The following CCDC171 variants were observed in gnomAD, a reference collection of about 807,000 sequenced individuals.
CCDC171 encodes coiled-coil domain-containing protein 171.
CCDC171 carries 177 observed loss-of-function variants against 168.2 expected under a neutral mutation model. The ratio of observed to expected loss-of-function variants is 1.05; its 90% CI spans 0.93 to 1.19. The LOEUF is 1.19. Among genes scored for constraint, CCDC171 ranks in the 50% most tolerant of loss-of-function variants. CCDC171 has a pLI of 0.00. For synonymous variants in CCDC171, 687 were observed against 540.8 expected, an observed-to-expected ratio of 1.27 and a Z score of -3.75; for missense variants, 1,991 against 1,539.0, an observed-to-expected ratio of 1.29 and a Z score of -4.91.
At chr9:15,661,076 C>T (rs992343592) in intron 8 of CCDC171, among the ~76,000 whole-genome samples, 5 of 152,074 alleles carry the variant, frequency 3.3e-5, no homozygotes, top group African/African-American at 4.8e-5. Context: ...GTCAGGAGAT[C>T]GAGACCATCC....
chr9:16,082,498 C>T, the CCDC171 span, among the ~76,000 whole-genome samples: 2 of 152,284 alleles, frequency 1.3e-5, no homozygotes, highest in East Asian at 1.9e-4. Flanking sequence ...AAAGCTTCAT[C>T]AGTATTTTTG....
intron 25 of CCDC171, among the ~76,000 whole-genome samples, chr9:15,958,109 C>CTCATCCATTCATTCAT (rs1226095855): frequency 6.7e-6 from 1 of 150,174 alleles, no homozygotes; most frequent in Admixed American, 6.6e-5. Context: ...CATTAACTCA[C>CTCATCCATTCATTCAT]TCATCCATTC....
intron 11 of CCDC171, among the ~76,000 whole-genome samples, chr9:15,696,588 T>G (rs186302770): frequency 6.6e-6 from 1 of 152,338 alleles, no homozygotes; most frequent in East Asian, 1.9e-4. Flanking sequence ...TATTGAGATG[T>G]ATCAGTGGTG....
At chr9:15,663,554 ACAT>A (rs1024624759) in intron 8 of CCDC171, among the ~76,000 whole-genome samples, 1 of 151,902 alleles carries the variant, frequency 6.6e-6, no homozygotes, top group Non-Finnish European at 1.5e-5. Flanking sequence ...TGTTAGCAAT[ACAT>A]TGTTCTTGAA....
At chr9:15,559,502 C>G (rs912862877) in intron 1 of CCDC171, among the ~76,000 whole-genome samples, 5 of 152,208 alleles carry the variant, frequency 3.3e-5, no homozygotes, top group Non-Finnish European at 2.9e-5. Flanking sequence ...TTCTTTGTCT[C>G]TTTTGATCTT....
intron 16 of CCDC171, among the ~76,000 whole-genome samples, chr9:15,734,166 G>A (rs921203154): frequency 9.2e-5 from 14 of 152,186 alleles, no homozygotes; most frequent in Non-Finnish European, 1.5e-5. Flanking sequence ...TGAAGAATGT[G>A]TAATACCTTA....
At chr9:15,628,067 A>G (rs2045320151) in intron 7 of CCDC171, among the ~76,000 whole-genome samples, 1 of 152,140 alleles carries the variant, frequency 6.6e-6, no homozygotes, top group Non-Finnish European at 1.5e-5. Flanking sequence ...CCGAATAGGA[A>G]CAGCTGCTGT....
intron 10 of CCDC171, among the ~76,000 whole-genome samples, chr9:15,682,461 T>G (rs1301987003): frequency 6.6e-6 from 1 of 152,016 alleles, no homozygotes; most frequent in Non-Finnish European, 1.5e-5. Context: ...GTACTTTATT[T>G]ATTTTTAATT....
At chr9:15,792,740 G>C (rs1227707768) in intron 21 of CCDC171, among the ~76,000 whole-genome samples, 1 of 152,038 alleles carries the variant, frequency 6.6e-6, no homozygotes, top group Admixed American at 6.6e-5. Context: ...ATAAGCGAAG[G>C]AGAAATAAAA....
At chr9:15,762,256 AT>A (rs2056487663) in intron 18 of CCDC171, among the ~76,000 whole-genome samples, 2 of 152,002 alleles carry the variant, frequency 1.3e-5, no homozygotes, top group African/African-American at 2.4e-5. Flanking sequence ...AACAAAAAAA[AT>A]CTTCCTTCAA....
In CCDC171 at chr9:16,015,938, T is replaced by A. The variant is rs564788218; in HGVS notation, n.369-4651T>A. Among the ~76,000 whole-genome samples the A allele has an allele frequency of 1.1e-4, 16 of 152,364 alleles. No individual in the cohort carries two copies. In the East Asian group the frequency reaches 2.9e-3, roughly 28 times the overall value. On this transcript the variant is annotated intron_variant and non_coding_transcript_variant, in intron 3 of 9. Coordinates refer to the CCDC171 transcript ENST00000486641. Reference sequence around the variant, plus strand: ...CAAGGTTCATTCGTGTTGTAGCGTGTATCCAAATTTCATTTATTTTTAAGG... The same window carrying A: ...CAAGGTTCATTCGTGTTGTAGCGTGAATCCAAATTTCATTTATTTTTAAGG...
the CCDC171 span, among the ~76,000 whole-genome samples, chr9:16,098,938 C>G: frequency 2.0e-5 from 3 of 152,144 alleles, no homozygotes; most frequent in Admixed American, 1.3e-4. Context: ...AGTGCCAAGT[C>G]CTGCATCAGG....
chr9:15,583,056 G>C (rs1001885219), intron 4 of CCDC171, among the ~76,000 whole-genome samples: 1 of 152,062 alleles, frequency 6.6e-6, no homozygotes, highest in Non-Finnish European at 1.5e-5. Flanking sequence ...GTTTACAGCA[G>C]CACAATTCAC....
intron 6 of CCDC171, among the ~76,000 whole-genome samples, chr9:15,606,023 G>C (rs924822969): frequency 6.6e-6 from 1 of 152,086 alleles, no homozygotes; most frequent in Non-Finnish European, 1.5e-5. Flanking sequence ...ACATACCTAT[G>C]ATAACGTTTA....
chr9:15,635,472 A>G (rs539587072), intron 7 of CCDC171, among the ~76,000 whole-genome samples: 1 of 152,228 alleles, frequency 6.6e-6, no homozygotes, highest in South Asian at 2.1e-4. Flanking sequence ...CAGCACAGAG[A>G]AAGATGAAGG....
intron 20 of CCDC171, among the ~76,000 whole-genome samples, chr9:15,782,124 G>T (rs971287086): frequency 1.3e-5 from 2 of 152,178 alleles, no homozygotes; most frequent in Non-Finnish European, 2.9e-5. Flanking sequence ...GAGAGTGCCT[G>T]CAACCATTTG....
intron 21 of CCDC171, among the ~76,000 whole-genome samples, chr9:15,808,585 T>C (rs540223766): frequency 6.6e-6 from 1 of 152,232 alleles, no homozygotes; most frequent in East Asian, 1.9e-4. Context: ...GAATCATTGC[T>C]TGCTTTCAGA....
chr9:15,717,803 A>T (rs2053188462), intron 11 of CCDC171, among the ~76,000 whole-genome samples: 1 of 152,142 alleles, frequency 6.6e-6, no homozygotes, highest in Admixed American at 6.5e-5. Context: ...CTGACTAAAG[A>T]GCCCCTGGGG....
At chr9:15,910,333 C>T (rs1823436545) in intron 24 of CCDC171, among the ~76,000 whole-genome samples, 1 of 152,104 alleles carries the variant, frequency 6.6e-6, no homozygotes, top group South Asian at 2.1e-4. Flanking sequence ...TATAATTTCC[C>T]CAGTGTATAT....
Sources: allele counts gnomAD v4.1 joint callset (sites outside exome capture counted in the v4.1 genomes callset), GRCh38; gene constraint gnomAD v4.1.1; transcripts MANE v1.5; gene names NCBI Gene and HGNC (gene_info 2026-07-23, HGNC 2026-07-21).